Variants in AHNAK observed in about 807,000 individuals in gnomAD.
The protein encoded by AHNAK is AHNAK nucleoprotein, also known as neuroblast differentiation-associated protein AHNAK.
AHNAK carries 23 observed loss-of-function variants against 37.8 expected under a neutral mutation model. The observed-to-expected ratio is 0.61, with a 90% confidence interval of 0.44 to 0.86. The LOEUF (loss-of-function observed/expected upper bound fraction) is 0.86. Among genes scored for constraint, AHNAK ranks in the 40% least tolerant of loss-of-function variants. AHNAK has a pLI of 0.00. For synonymous variants in AHNAK, 2,481 were observed against 2,636.3 expected (o/e 0.94, Z 1.80); for missense variants, 7,411 against 7,319.4 (o/e 1.01, Z -0.46).
chr11:62,540,742 G>C (rs1283154962), intron 1 of AHNAK, among the ~76,000 whole-genome samples: 1 of 152,238 alleles, frequency 6.6e-6, no homozygotes, highest in African/African-American at 2.4e-5. Context: ...GGGCAGAAAA[G>C]AATGAGATGG....
Position 62,516,856 on chromosome 11 carries a change from G to A in AHNAK, c.17561C>T (p.Ser5854Phe), listed in dbSNP as rs751688185. Residue 5854 changes from serine (S) to phenylalanine (F), a missense_variant, in exon 5 of 5, where the codon TCC (serine) becomes TTC (phenylalanine). Physicochemically the swap from Ser to Phe is radical, Grantham distance 155. Transcript: ENST00000378024. ...ETGKLQGSGV[S>F]LASKKSRLSS... Reference sequence around the variant, plus strand: ...CAGTCGGGACTTCTTAGAGGCCAGGGACACCCCACTCCCCTGTAACTTGCC... The same window carrying A: ...CAGTCGGGACTTCTTAGAGGCCAGGAACACCCCACTCCCCTGTAACTTGCC... 6.2e-7 allele frequency: 1 copy of A among 1,614,084 alleles called. No individual in the cohort carries two copies. Among genetic ancestry groups the A allele is most frequent in the African/African-American group, 1.3e-5 (1 of 75,004 alleles).
In AHNAK at chr11:62,523,203, C is replaced by T; in HGVS notation, c.11214G>A (p.Met3738Ile). 6.2e-7 allele frequency: 1 copy of T among 1,613,596 alleles called. No homozygotes were observed. The highest frequency in any genetic ancestry group is 8.5e-7 in the Non-Finnish European group (1 of 1,179,914). ...TCGATATTTTGGGAGCCTTCAGGTGCATCTCTGGTATCTTAAATTTGGGTC... is the reference window on the plus strand; with the variant it reads ...TCGATATTTTGGGAGCCTTCAGGTGTATCTCTGGTATCTTAAATTTGGGTC... The part of the protein sequence containing the change: ...FKGPKFKIPE[M>I]HLKAPKISMP... Residue 3738 changes from methionine to isoleucine, a missense_variant, in exon 5 of 5, where the codon ATG becomes ATA. Physicochemically the swap from Met to Ile is conservative, Grantham distance 10. Transcript: ENST00000378024.
rs192377512 is a variant in AHNAK, at chr11:62,486,253, T to A, written c.442+5479A>T. 9.2e-4 allele frequency among the ~76,000 whole-genome samples: 139 copies of A among 151,870 alleles called. 1 individual carries two copies. The highest frequency in any genetic ancestry group is 3.2e-3 in the African/African-American group (134 of 41,432). On this transcript the variant is annotated intron_variant, in intron 5 of 5. Coordinates refer to the AHNAK transcript ENST00000257247. ...ACTTTGGGAGGCCGAGGTGGGTGGA[T>A]CACCTGCGGTCAGGAGTTCGAGACC...
chr11:62,468,883 T>G (rs147073275), intron 5 of AHNAK, among the ~76,000 whole-genome samples: 109 of 152,342 alleles, frequency 7.2e-4, no homozygotes, highest in African/African-American at 2.5e-3. Flanking sequence ...TCCTCAGCTC[T>G]TTTCTGTCTT....
In AHNAK at chr11:62,529,695, T is replaced by A. The variant is rs751144051; in HGVS notation, c.4722A>T (p.Ile1574=). The A allele has an allele frequency of 6.2e-7, 1 of 1,614,034 alleles. No homozygotes were observed. The highest frequency in any genetic ancestry group is 8.5e-7 in the Non-Finnish European group (1 of 1,180,038). The change falls in exon 5 of 5, where the codon ATA becomes ATT. Residue 1574 remains isoleucine, a synonymous_variant. Coordinates refer to ENST00000378024, the MANE Select transcript of AHNAK (RefSeq NM_001620.3). Reference sequence around the variant, plus strand: ...CAGGCATAGAGATTTTGTGCGTCTGTATATTCATGCTTGGCATCTTGAACT... The same window carrying A: ...CAGGCATAGAGATTTTGTGCGTCTGAATATTCATGCTTGGCATCTTGAACT... ...GPKFKMPSMN[I]QTHKISMPDV... is the part of the protein sequence containing the mutation.
intron 5 of AHNAK, among the ~76,000 whole-genome samples, chr11:62,483,171 G>A (rs1939311366): frequency 6.6e-6 from 1 of 152,212 alleles, no homozygotes; most frequent in South Asian, 2.1e-4. Context: ...CAGGGCCCAA[G>A]GGACGCTACG....
chr11:62,514,106 T>C (rs1939963075), downstream of AHNAK, among the ~76,000 whole-genome samples: 1 of 152,156 alleles, frequency 6.6e-6, no homozygotes, highest in Admixed American at 6.6e-5. Context: ...AAAAATTTAA[T>C]TGATATATTA....
intron 5 of AHNAK, among the ~76,000 whole-genome samples, chr11:62,475,073 T>A (rs1019744525): frequency 2.0e-5 from 3 of 152,026 alleles, no homozygotes; most frequent in Non-Finnish European, 2.9e-5. Context: ...GAGGCAGAGG[T>A]GGGCGGATCA....
In AHNAK at chr11:62,436,732, C is replaced by A. The variant is rs183053751; in HGVS notation, c.443-2841G>T. ...TGGGTGGATCACGAGGTCAGGAGAT[C>A]GAGACCATCCTGGCTAACACGGTGA... On this transcript the variant is annotated intron_variant, in intron 5 of 5. Coordinates refer to the AHNAK transcript ENST00000257247. Among the ~76,000 whole-genome samples, 728 of 151,370 alleles carry A rather than the reference C, an allele frequency of 4.8e-3. 5 individuals are homozygous for A. Among genetic ancestry groups the A allele is most frequent in the Non-Finnish European group, 5.8e-3 (397 of 67,870 alleles).
intron 1 of AHNAK, among the ~76,000 whole-genome samples, chr11:62,543,220 T>C (rs1306265575): frequency 6.6e-6 from 1 of 152,162 alleles, no homozygotes; most frequent in Non-Finnish European, 1.5e-5. Flanking sequence ...AAACTGCGCG[T>C]GCGGACATGT....
chr11:62,454,715 G>C (rs1220641057), intron 5 of AHNAK, among the ~76,000 whole-genome samples: 1 of 152,008 alleles, frequency 6.6e-6, no homozygotes, highest in East Asian at 1.9e-4. Context: ...AGAAGAGTGG[G>C]AGGGGGAGGA....
rs57144253 is a variant in AHNAK at position 62,495,576 on chromosome 11, C to CA, written c.343-3746dup. On this transcript the variant is annotated intron_variant, in intron 4 of 5. Coordinates refer to the AHNAK transcript ENST00000257247. ...TGAAACCCAGTCTCTTCTAAAAATA[C>CA]AAAAAAAAAAACATTAGCTGGGCAT... is the stretch of plus-strand genomic sequence containing the variant. Among the ~76,000 whole-genome samples the CA allele has an allele frequency of 4.4e-3, 599 of 136,130 alleles. 3 individuals carry two copies. Among genetic ancestry groups the CA allele is most frequent in the African/African-American group, 8.4e-3 (321 of 38,422 alleles). The allele number at this position is 136,130 out of a possible 152,430, so 89.3% of individuals were successfully genotyped here.
rs540814813 is a variant in AHNAK at position 62,533,482 on chromosome 11, G to A, written c.935C>T (p.Pro312Leu). The A allele has an allele frequency of 1.7e-5, 27 of 1,613,956 alleles. No individual in the cohort carries two copies. Among genetic ancestry groups the A allele is most frequent in the East Asian group, 6.7e-5 (3 of 44,890 alleles). Residue 312 changes from proline (P) to leucine (L), a missense_variant, in exon 5 of 5, where the codon CCG becomes CTG. By Grantham distance (98) the Pro-to-Leu change is moderately conservative (BLOSUM62 -3). Coordinates refer to ENST00000378024, the MANE Select transcript of AHNAK (RefSeq NM_001620.3). Reference protein sequence around the residue: ...GKIKFPTMKVPKFGVSTGREG... With the variant: ...GKIKFPTMKVLKFGVSTGREG... ...ACGCCCTGTTGAGACACCAAATTTC[G>A]GCACTTTCATGGTGGGAAATTTAAT...
rs116380617 is a variant in AHNAK, at chr11:62,519,027, G to A, written c.15390C>T (p.His5130=). The change falls in exon 5 of 5, where the codon CAC becomes CAT. Residue 5130 remains histidine (H), a synonymous_variant. Coordinates refer to ENST00000378024, the MANE Select transcript of AHNAK (RefSeq NM_001620.3). ...TCGCCTTGATGTCAAGACCTTCGAC[G>A]TGAATCGCTGGCAAAGAAAGTTCCA... ...PDLELSLPAI[H]VEGLDIKAKA... is the part of the protein sequence containing the mutation. The A allele has an allele frequency of 2.4e-5, 39 of 1,613,298 alleles. No homozygotes were observed. The highest frequency in any genetic ancestry group is 1.6e-4 in the East Asian group (7 of 44,856).
intron 5 of AHNAK, among the ~76,000 whole-genome samples, chr11:62,480,146 C>A (rs1939236952): frequency 6.6e-6 from 1 of 152,222 alleles, no homozygotes; most frequent in Admixed American, 6.5e-5. Flanking sequence ...CTGCTGGGAG[C>A]AGGCTGGACC....
chr11:62,542,334 T>C (rs1941155659), intron 1 of AHNAK, among the ~76,000 whole-genome samples: 1 of 152,112 alleles, frequency 6.6e-6, no homozygotes, highest in Non-Finnish European at 1.5e-5. Context: ...TGCACCTGCC[T>C]GGCCTCCTCC....
chr11:62,478,642 G>A (rs1048550260), intron 5 of AHNAK, among the ~76,000 whole-genome samples: 1 of 151,224 alleles, frequency 6.6e-6, no homozygotes, highest in Non-Finnish European at 1.5e-5. Context: ...TAGCTACTCA[G>A]GAGACTGAGG....
rs1346827138 is a variant in AHNAK at position 62,523,087 on chromosome 11, G to A, written c.11330C>T (p.Pro3777Leu). ...TTTGGGGCCCTTGATGTCAACTTCA[G>A]GACCCTTGAGGTCACCTTCCATTTT... Reference protein sequence around the residue: ...LPKMEGDLKGPEVDIKGPKVD... With the variant: ...LPKMEGDLKGLEVDIKGPKVD... Residue 3777 changes from proline (P) to leucine (L), a missense_variant, in exon 5 of 5, where the codon CCT (proline) becomes CTT (leucine). By Grantham distance (98) the Pro-to-Leu change is moderately conservative. Transcript: ENST00000378024. 3 of 1,613,836 alleles carry A rather than the reference G, an allele frequency of 1.9e-6. No homozygotes were observed. The highest frequency in any genetic ancestry group is 2.5e-6 in the Non-Finnish European group (3 of 1,179,972).
rs1266684067 is a variant in AHNAK at position 62,518,280 on chromosome 11, G to A, written c.16137C>T (p.Asp5379=). Residue 5379 remains aspartate (D), a synonymous_variant, in exon 5 of 5, where the codon GAC becomes GAT. Coordinates refer to ENST00000378024, the MANE Select transcript of AHNAK (RefSeq NM_001620.3). ...CTACGGATACTTTAGGGCATTTGAT[G>A]TCACCAGAGACAGCCAGATCTCCCT... is the stretch of plus-strand genomic sequence containing the variant. ...SLQGDLAVSG[D]IKCPKVSVGA... is the part of the protein sequence containing the mutation. The A allele has an allele frequency of 1.9e-6, 3 of 1,614,068 alleles. No individual in the cohort carries two copies. Among genetic ancestry groups the A allele is most frequent in the Admixed American group, 3.3e-5 (2 of 59,998 alleles).
Sources: gnomAD v4.1 joint callset for allele counts (sites outside exome capture counted in the v4.1 genomes callset) on GRCh38, gnomAD v4.1.1 for gene constraint, MANE v1.5 for transcripts, NCBI Gene and HGNC (gene_info 2026-07-23, HGNC 2026-07-21) for gene names.